DDX19A: variants seen among roughly 807,000 people sequenced by gnomAD.
DDX19A encodes ATP-dependent RNA helicase DDX19A.
DDX19A carries 12 observed loss-of-function variants against 60.6 expected under a neutral mutation model. That is an observed-to-expected ratio of 0.20 (90% CI 0.13 to 0.32). The LOEUF is 0.32. DDX19A is among the 10% of genes least tolerant of loss of function. The pLI is 1.00. For missense variants in DDX19A, 337 were observed against 600.6 expected, an observed-to-expected ratio of 0.56 and a Z score of 4.59; for synonymous variants, 206 against 218.2, an observed-to-expected ratio of 0.94 and a Z score of 0.49.
intron 2 of DDX19A, among the ~76,000 whole-genome samples, chr16:70,354,296 G>A (rs1238882672): frequency 2.0e-5 from 3 of 152,028 alleles, no homozygotes; most frequent in African/African-American, 4.8e-5. Context: ...ACAGGCATGC[G>A]CCACCACACC....
chr16:70,355,677 CA>C, intron 3 of DDX19A, 142 bp downstream of exon 3: 1 of 710,252 alleles, frequency 1.4e-6, no homozygotes, highest in African/African-American at 1.8e-5. Context: ...GAGAACAAAA[CA>C]AGTCCGAAAG....
At chr16:70,355,318 T>G (rs1460304901) in intron 2 of DDX19A, among the ~76,000 whole-genome samples, 167 bp from the exon 3 acceptor site, 1 of 152,156 alleles carries the variant, frequency 6.6e-6, no homozygotes, top group African/African-American at 2.4e-5. Flanking sequence ...GAGGTTGCAG[T>G]GAGCCAAGGT....
intron 10 of DDX19A, 59 bp from the exon 11 acceptor site, chr16:70,371,313 G>C: frequency 6.2e-7 from 1 of 1,614,062 alleles, no homozygotes; most frequent in Non-Finnish European, 8.5e-7. Flanking sequence ...ACCTATGGAT[G>C]ACAGTGATTT....
At chr16:70,355,969 T>C in intron 3 of DDX19A, 143 bp from the exon 4 acceptor site, 1 of 1,050,012 alleles carries the variant, frequency 9.5e-7, no homozygotes, top group South Asian at 1.6e-5. Context: ...CTAAAATAAA[T>C]AAATAGAGAC....
chr16:70,351,799 A>G (rs1964026202), intron 2 of DDX19A, among the ~76,000 whole-genome samples: 2 of 152,086 alleles, frequency 1.3e-5, no homozygotes. Flanking sequence ...AAGTGCTGGG[A>G]TTACAGGTGT....
chr16:70,369,186 T>G (rs963084186), intron 9 of DDX19A, among the ~76,000 whole-genome samples: 3 of 131,914 alleles, frequency 2.3e-5, no homozygotes, highest in Admixed American at 7.6e-5. Flanking sequence ...TTTTTTTTTT[T>G]TTTTTTTTTT....
chr16:70,368,382 C>T (rs1964581609), intron 9 of DDX19A, among the ~76,000 whole-genome samples: 1 of 151,826 alleles, frequency 6.6e-6, no homozygotes, highest in Non-Finnish European at 1.5e-5. Flanking sequence ...AAGCAATTCT[C>T]CTGCCCCAGC....
chr16:70,347,808 A>G (rs182665749), intron 1 of DDX19A: 2 of 226,932 alleles, frequency 8.8e-6, no homozygotes, highest in East Asian at 3.3e-4. Flanking sequence ...CTCCTGCCTC[A>G]GTCTCCCGAG....
chr16:70,364,833 C>T, intron 6 of DDX19A, 184 bp from the exon 7 acceptor site: 1 of 669,036 alleles, frequency 1.5e-6, no homozygotes, highest in Non-Finnish European at 2.6e-6. Flanking sequence ...CCATGGCTTG[C>T]AAAGGCCTCT....
intron 8 of DDX19A, 48 bp from the exon 9 acceptor site, chr16:70,366,576 T>G (rs1468757745): frequency 6.2e-7 from 1 of 1,610,948 alleles, no homozygotes; most frequent in South Asian, 1.1e-5. Context: ...GTGCTTCCGT[T>G]GCTTCCCAGG....
chr16:70,355,374 C>G, intron 2 of DDX19A, 111 bp from the exon 3 acceptor site: 1 of 874,978 alleles, frequency 1.1e-6, no homozygotes, highest in Non-Finnish European at 1.8e-6. Context: ...AAAACTCCGT[C>G]TGAAAAATAA....
chr16:70,355,417 T>C, intron 2 of DDX19A, 68 bp from the exon 3 acceptor site: 1 of 1,084,608 alleles, frequency 9.2e-7, no homozygotes, highest in Non-Finnish European at 1.4e-6. Flanking sequence ...TATTTATTTA[T>C]ATTGTCCCAC....
At chr16:70,350,511 T>G (rs1963978040) in intron 1 of DDX19A, 46 bp from the exon 2 acceptor site, 1 of 1,487,604 alleles carries the variant, frequency 6.7e-7, no homozygotes, top group Admixed American at 2.0e-5. Context: ...GACCTTCCTT[T>G]TATTGGGTCC....
chr16:70,365,960 C>A, intron 7 of DDX19A, 125 bp from the exon 8 acceptor site: 1 of 1,430,114 alleles, frequency 7.0e-7, no homozygotes, highest in Non-Finnish European at 9.7e-7. Context: ...GAGGGGAACA[C>A]TCATGTGTGT....
chr16:70,365,967 G>A, intron 7 of DDX19A, 118 bp from the exon 8 acceptor site: 1 of 1,475,806 alleles, frequency 6.8e-7, no homozygotes, highest in African/African-American at 1.4e-5. Flanking sequence ...ACACTCATGT[G>A]TGTTTTGAAA....
At chr16:70,370,057 C>A (rs566046959) in intron 9 of DDX19A, among the ~76,000 whole-genome samples, 166 bp from the exon 10 acceptor site, 1 of 152,214 alleles carries the variant, frequency 6.6e-6, no homozygotes, top group East Asian at 1.9e-4. Context: ...TTCAGCTGAG[C>A]GTGGTGCCTC....
At chr16:70,353,892 C>T (rs899394027) in intron 2 of DDX19A, among the ~76,000 whole-genome samples, 6 of 142,820 alleles carry the variant, frequency 4.2e-5, no homozygotes, top group African/African-American at 1.7e-4. Flanking sequence ...CAGAGTGAGA[C>T]TCTGTCTCAA....
intron 8 of DDX19A, 113 bp from the exon 9 acceptor site, chr16:70,366,511 T>G (rs374806522): frequency 7.0e-7 from 1 of 1,435,828 alleles, no homozygotes; most frequent in African/African-American, 1.4e-5. Flanking sequence ...CTCCCCAAGA[T>G]GCTCCTCCCC....
intron 3 of DDX19A, 88 bp from the exon 4 acceptor site, chr16:70,356,024 G>C (rs1385544177): frequency 1.3e-6 from 2 of 1,557,188 alleles, no homozygotes; most frequent in African/African-American, 2.7e-5. Flanking sequence ...GACTGCCCAG[G>C]TGCTAGTGTG....
Sources: gnomAD v4.1 joint callset for allele counts (sites outside exome capture counted in the v4.1 genomes callset) on GRCh38, gnomAD v4.1.1 for gene constraint, MANE v1.5 for transcripts, NCBI Gene and HGNC (gene_info 2026-07-23, HGNC 2026-07-21) for gene names.